The following JCAD variants were observed in gnomAD, a reference collection of about 807,000 sequenced individuals.
The protein encoded by JCAD is junctional cadherin 5-associated protein.
JCAD carries 40 observed loss-of-function variants against 98.0 expected under a neutral mutation model. The ratio of observed to expected loss-of-function variants is 0.41; its 90% CI spans 0.32 to 0.53. The LOEUF (loss-of-function observed/expected upper bound fraction) is 0.53. Among genes scored for constraint, JCAD ranks in the 20% least tolerant of loss-of-function variants. The pLI is 0.31. For synonymous variants in JCAD, 691 were observed against 682.3 expected, an observed-to-expected ratio of 1.01 and a Z score of -0.20; for missense variants, 1,705 against 1,738.1, an observed-to-expected ratio of 0.98 and a Z score of 0.34.
At chr10:30,077,972 T>G (rs1319756792) in intron 1 of JCAD, among the ~76,000 whole-genome samples, 1 of 152,228 alleles carries the variant, frequency 6.6e-6, no homozygotes, top group Non-Finnish European at 1.5e-5. Context: ...CGTTTAACTT[T>G]TTGAGGAACT....
chr10:30,033,229 G>A (rs111689779), intron 2 of JCAD, among the ~76,000 whole-genome samples: 5,447 of 152,210 alleles, frequency 0.036, 346 homozygotes, highest in African/African-American at 0.12. Flanking sequence ...TAATGAAAAC[G>A]CCCTCAGGTG....
At chr10:30,036,825 A>G (rs1014490232) in intron 2 of JCAD, among the ~76,000 whole-genome samples, 6 of 152,220 alleles carry the variant, frequency 3.9e-5, no homozygotes, top group African/African-American at 7.2e-5. Flanking sequence ...CATTAAAGCC[A>G]TGCCTTTATC....
At chr10:30,089,869 A>G (rs1838233569) in intron 1 of JCAD, among the ~76,000 whole-genome samples, 1 of 152,212 alleles carries the variant, frequency 6.6e-6, no homozygotes, top group African/African-American at 2.4e-5. Flanking sequence ...GTGATTCACA[A>G]TACATGAAAT....
At chr10:30,073,468 G>A (rs1438393060) in intron 1 of JCAD, among the ~76,000 whole-genome samples, 4 of 152,156 alleles carry the variant, frequency 2.6e-5, no homozygotes, top group Non-Finnish European at 4.4e-5. Context: ...AACGGGAGGT[G>A]GCTTCCATTT....
intron 1 of JCAD, among the ~76,000 whole-genome samples, chr10:30,051,735 T>C (rs887002785): frequency 1.3e-5 from 2 of 152,104 alleles, no homozygotes; most frequent in African/African-American, 4.8e-5. Context: ...ATGGGGGACC[T>C]GTAGTTACAA....
intron 1 of JCAD, among the ~76,000 whole-genome samples, chr10:30,073,357 T>C (rs1295862242): frequency 6.6e-6 from 1 of 152,192 alleles, no homozygotes; most frequent in Non-Finnish European, 1.5e-5. Context: ...AGAGCCAACA[T>C]TCTATGAGCA....
chr10:30,111,392 T>C (rs916084413), intron 1 of JCAD, among the ~76,000 whole-genome samples: 3 of 152,164 alleles, frequency 2.0e-5, no homozygotes, highest in Non-Finnish European at 2.9e-5. Flanking sequence ...CATCTGAAGA[T>C]TGGAGAGACC....
intron 2 of JCAD, among the ~76,000 whole-genome samples, chr10:30,066,371 G>A (rs16930964): frequency 0.042 from 6,346 of 152,236 alleles, 427 homozygotes; most frequent in African/African-American, 0.14. Context: ...TTGTTCTCAC[G>A]TAAAGCCACA....
In JCAD at chr10:30,028,849, A is replaced by G. The variant is rs781745770; in HGVS notation, c.1299T>C (p.His433=). 1.9e-6 allele frequency: 3 copies of G among 1,614,168 alleles called. No homozygotes were observed. Among genetic ancestry groups the G allele is most frequent in the Admixed American group, 3.3e-5 (2 of 60,032 alleles). ...AACCCTGGGGCTGAGCTAGTTTAAA[A>G]TGTCGTAACCGTGGATCATCAAAGG... is the stretch of plus-strand genomic sequence containing the variant. ...YIPFDDPRLR[H]FKLAQPQGFC... The change falls in exon 3 of 4, where the codon CAT becomes CAC. Residue 433 remains histidine, a synonymous_variant. Transcript: ENST00000375377.
At chr10:30,051,606 T>C (rs1300081869) in intron 1 of JCAD, among the ~76,000 whole-genome samples, 2 of 152,226 alleles carry the variant, frequency 1.3e-5, no homozygotes, top group African/African-American at 4.8e-5. Flanking sequence ...GCCATTCTTA[T>C]CTGCAACATT....
chr10:30,027,836 A>G lies in JCAD; in HGVS notation c.2312T>C (p.Val771Ala). The G allele has an allele frequency of 6.2e-7, 1 of 1,614,248 alleles. No homozygotes were observed. The highest frequency in any genetic ancestry group is 8.5e-7 in the Non-Finnish European group (1 of 1,180,040). ...NSAFSRTSLS[V>A]DQAPTPKAGR... ...TGCTTTTGGCGTCGGTGCCTGGTCC[A>G]CGGACAAGGAAGTCCTTGAGAACGC... The change falls in exon 3 of 4, where the codon GTG becomes GCG. Residue 771 changes from valine to alanine, a missense_variant. Around this residue, in one of 3 missense-constraint regions of JCAD, gnomAD observed 1,278 missense variants for 1,243.1 expected, o/e 1.03. Transcript: ENST00000375377.
intron 1 of JCAD, among the ~76,000 whole-genome samples, chr10:30,097,765 A>T (rs1014499260): frequency 6.6e-6 from 1 of 152,156 alleles, no homozygotes; most frequent in Non-Finnish European, 1.5e-5. Flanking sequence ...TCCGTCTCAA[A>T]AAATAAATAA....
intron 1 of JCAD, among the ~76,000 whole-genome samples, chr10:30,113,968 G>A (rs1036164314): frequency 2.0e-5 from 3 of 152,096 alleles, no homozygotes; most frequent in South Asian, 4.1e-4. Flanking sequence ...CCTCAGCCTC[G>A]TAAAGGTTGG....
chr10:30,064,311 T>C (rs1204693899), upstream of JCAD, among the ~76,000 whole-genome samples: 1 of 152,150 alleles, frequency 6.6e-6, no homozygotes, highest in African/African-American at 2.4e-5. Context: ...CTATACCACC[T>C]TAGGTTGACT....
At chr10:30,034,288 T>A (rs67998342) in intron 2 of JCAD, among the ~76,000 whole-genome samples, 13,788 of 151,926 alleles carry the variant, frequency 0.091, 872 homozygotes, top group African/African-American at 0.18. Context: ...CTACCCCCTG[T>A]TAACTTGTTA....
chr10:30,039,629 C>A (rs1346720923), intron 2 of JCAD, among the ~76,000 whole-genome samples: 2 of 152,214 alleles, frequency 1.3e-5, no homozygotes, highest in Non-Finnish European at 2.9e-5. Flanking sequence ...CTGCAGTTGA[C>A]ACCCAAAGAC....
chr10:30,067,985 A>G (rs892261783), intron 2 of JCAD, among the ~76,000 whole-genome samples: 1 of 152,220 alleles, frequency 6.6e-6, no homozygotes, highest in Non-Finnish European at 1.5e-5. Flanking sequence ...ACATAGAAAA[A>G]GTACAGTAAA....
upstream of JCAD, among the ~76,000 whole-genome samples, chr10:30,062,345 C>A (rs1837713372): frequency 6.6e-6 from 1 of 152,164 alleles, no homozygotes; most frequent in Non-Finnish European, 1.5e-5. Context: ...TTCCTCAGTA[C>A]TGATGTATCC....
rs57504197 is a variant in JCAD, at chr10:30,037,934, T to TAAAA, written c.282-8072_282-8069dup. Among the ~76,000 whole-genome samples the TAAAA allele has an allele frequency of 3.2e-3, 353 of 109,260 alleles. 6 individuals are homozygous for TAAAA. The highest frequency in any genetic ancestry group is 4.9e-3 in the Middle Eastern group (1 of 204). The allele number at this position is 109,260 out of a possible 152,430, so 71.7% of individuals were successfully genotyped here. A position where few individuals can be genotyped will look rare whatever the true frequency, so the allele number is the denominator to read the frequency against. The stretch of plus-strand genomic sequence containing the variant: ...AAAGATGAACTCAGAATGGAAAAAT[T>TAAAA]AAAAAAAAAAAAAAAAAAAAAGTTG... On this transcript the variant is annotated intron_variant, in intron 2 of 3. Coordinates refer to ENST00000375377, the MANE Select transcript of JCAD (RefSeq NM_020848.4).
Sources: gnomAD v4.1 joint callset for allele counts (sites outside exome capture counted in the v4.1 genomes callset) on GRCh38, gnomAD v4.1.1 for gene constraint, gnomAD v4.1.1 regional missense constraint, MANE v1.5 for transcripts, NCBI Gene and HGNC (gene_info 2026-07-23, HGNC 2026-07-21) for gene names.